LTBP4: variants seen among roughly 807,000 people sequenced by gnomAD.
LTBP4 encodes latent transforming growth factor beta binding protein 4, also known as latent-transforming growth factor beta-binding protein 4.
In LTBP4, 93 loss-of-function variants were observed where a neutral mutation model predicts 180.2. That is an observed-to-expected ratio of 0.52 (90% confidence interval 0.44 to 0.61). The LOEUF (loss-of-function observed/expected upper bound fraction) is 0.61. Ranked by LOEUF, LTBP4 falls within the 20% of genes least tolerant of loss-of-function variation. LTBP4 has a pLI of 0.00. For missense variants in LTBP4, 2,116 were observed against 2,256.5 expected (o/e 0.94, Z 1.26); for synonymous variants, 947 against 934.5 (o/e 1.01, Z -0.24).
chr19:40,595,139 T>G (rs1228961836), intron 1 of LTBP4, among the ~76,000 whole-genome samples: 2 of 151,688 alleles, frequency 1.3e-5, no homozygotes, highest in African/African-American at 2.4e-5. Flanking sequence ...ATGAAAGGGG[T>G]GGGCTTGGGA....
chr19:40,599,328 C>A, upstream of LTBP4: 3 of 1,610,712 alleles, frequency 1.9e-6, no homozygotes, highest in Non-Finnish European at 2.5e-6. Context: ...AGCTCCCCAT[C>A]CCTCCCCTCA....
At chr19:40,625,274 A>G (rs867765230) in intron 26 of LTBP4, among the ~76,000 whole-genome samples, 1 of 4,198 alleles carries the variant, frequency 2.4e-4, no homozygotes, top group African/African-American at 2.6e-3. Context: ...ATATATATAT[A>G]TATATATATA....
At chr19:40,608,102 C>A in intron 7 of LTBP4, 118 bp from the exon 8 acceptor site, 1 of 1,128,028 alleles carries the variant, frequency 8.9e-7, no homozygotes, top group Non-Finnish European at 1.3e-6. Context: ...CAGCCTCCAG[C>A]TCAAACCCCT....
rs776581800 is a variant in LTBP4 at position 40,609,650 on chromosome 19, C to T, written c.1547C>T (p.Thr516Ile). 8.1e-6 allele frequency: 13 copies of T among 1,613,168 alleles called. No homozygotes were observed. In the East Asian group the frequency reaches 2.2e-4, roughly 28 times the overall value. Residue 516 changes from threonine (T) to isoleucine (I), a missense_variant, in exon 10 of 30, where the codon ACC becomes ATC. Around this residue, in one of 5 missense-constraint regions of LTBP4, gnomAD observed 877 missense variants for 873.6 expected, o/e 1.00. Transcript: ENST00000396819. The surrounding 1 kb of genome is among the most constrained non-coding windows in gnomAD (Gnocchi z 4.9). ...DSGFRLSPQG[T>I]RCIDVDECRR... is the part of the protein sequence containing the mutation. ...GGCTTCCGGCTCAGCCCCCAGGGCA[C>T]CCGATGCATTGGTGAGCAAGACGGA...
chr19:40,611,885 C>T lies in LTBP4; in HGVS notation c.2080C>T (p.Pro694Ser), dbSNP rs2081508997. 1 of 1,608,242 alleles carries T rather than the reference C, an allele frequency of 6.2e-7. No homozygotes were observed. The change falls in exon 14 of 30, where the codon CCA (proline) becomes TCA (serine). Residue 694 changes from proline (P) to serine (S), a missense_variant. Physicochemically the swap from Pro to Ser is moderately conservative, Grantham distance 74. Coordinates refer to ENST00000396819, the MANE Select transcript of LTBP4 (RefSeq NM_001042545.2). The surrounding 1 kb of genome is among the most constrained non-coding windows in gnomAD (Gnocchi z 4.4). ...QDVDECARSPPPCTYGRCENT... is the reference protein window; with the variant it reads ...QDVDECARSPSPCTYGRCENT... ...TGTGGATGAGTGTGCCCGAAGCCCC[C>T]CACCCTGCACCTACGGCCGGTGTGA...
chr19:40,620,637 G>A (rs1174005614), intron 22 of LTBP4, among the ~76,000 whole-genome samples: 2 of 151,804 alleles, frequency 1.3e-5, no homozygotes, highest in East Asian at 2.0e-4. Flanking sequence ...TTAGCTGGGT[G>A]TAGTGGTGCA....
chr19:40,605,902 T>G lies in LTBP4; in HGVS notation c.793+71T>G. On this transcript the variant is annotated intron_variant, in intron 4 of 29. Transcript: ENST00000396819. This position sits in a 1 kb window ranked among gnomAD's most constrained non-coding sequence, Gnocchi z 5.5. ...GACAACCTCACCGTTCCTCCTACTC[T>G]GCCCTAGATAAACCCAGTTCACAAA... 1 of 1,457,104 alleles carries G rather than the reference T, an allele frequency of 6.9e-7. No individual in the cohort carries two copies. The highest frequency in any genetic ancestry group is 9.2e-7 in the Non-Finnish European group (1 of 1,085,082). The allele number at this position is 1,457,104 out of a possible 1,614,324, so 90.3% of individuals were successfully genotyped here.
At chr19:40,610,861 C>A (rs1002005862) in intron 12 of LTBP4, 7 of 822,848 alleles carry the variant, frequency 8.5e-6, no homozygotes, top group Non-Finnish European at 1.3e-5. Flanking sequence ...AAGGCTGAGT[C>A]ATGAAAGATG....
intron 29 of LTBP4, 127 bp downstream of exon 29, chr19:40,627,984 C>G (rs920996371): frequency 2.2e-5 from 27 of 1,255,156 alleles, no homozygotes; most frequent in Non-Finnish European, 2.9e-5. Flanking sequence ...CGGGCCAGCG[C>G]AAAAGGGAGG....
rs1440756922 is a variant in LTBP4 at position 40,624,092 on chromosome 19, C to T, written c.3832+10C>T. ...GAGAGCCAGAGCCTCGGTAACCCCGCCCACGCCATCCAGGCCCTCCTTCCC... is the reference window on the plus strand; with the variant it reads ...GAGAGCCAGAGCCTCGGTAACCCCGTCCACGCCATCCAGGCCCTCCTTCCC... On this transcript the variant is annotated intron_variant, in intron 26 of 29. Coordinates refer to ENST00000396819, the MANE Select transcript of LTBP4 (RefSeq NM_001042545.2). 7 of 1,530,068 alleles carry T rather than the reference C, an allele frequency of 4.6e-6. No homozygotes were observed. The highest frequency in any genetic ancestry group is 6.2e-6 in the Non-Finnish European group (7 of 1,135,878). 94.8% of individuals were successfully genotyped at this position (1,530,068 alleles called of 1,614,324 possible). A position where few individuals can be genotyped will look rare whatever the true frequency, so the allele number is the denominator to read the frequency against.
Position 40,613,690 on chromosome 19 carries a change from G to T in LTBP4, c.2557+161G>T, listed in dbSNP as rs1450503226. ...GGGAGTCTCGAGGCAGTGAGGGGGGGCGGGGCGTGGAGATGAAAGGGCCGA... is the reference window on the plus strand; with the variant it reads ...GGGAGTCTCGAGGCAGTGAGGGGGGTCGGGGCGTGGAGATGAAAGGGCCGA... On this transcript the variant is annotated intron_variant, in intron 17 of 29. Transcript: ENST00000396819. This position sits in a 1 kb window ranked among gnomAD's most constrained non-coding sequence, Gnocchi z 5.0. 4.0e-6 allele frequency: 5 copies of T among 1,259,474 alleles called. No individual in the cohort carries two copies. The highest frequency in any genetic ancestry group is 4.4e-6 in the Non-Finnish European group (4 of 901,064). The allele number at this position is 1,259,474 out of a possible 1,614,324, so 78.0% of individuals were successfully genotyped here. A position where few individuals can be genotyped will look rare whatever the true frequency, so the allele number is the denominator to read the frequency against.
intron 21 of LTBP4, among the ~76,000 whole-genome samples, chr19:40,618,572 G>A (rs1232442763): frequency 2.6e-5 from 4 of 151,886 alleles, no homozygotes; most frequent in Non-Finnish European, 5.9e-5. Flanking sequence ...GTAGAGATGA[G>A]TTATTGCTCT....
At chr19:40,602,820 G>C (rs966922012) in intron 1 of LTBP4, among the ~76,000 whole-genome samples, 2 of 152,158 alleles carry the variant, frequency 1.3e-5, no homozygotes, top group African/African-American at 4.8e-5. Context: ...GCTGGCCTGC[G>C]GGCCTGCATT....
chr19:40,603,097 C>T (rs895197601), intron 1 of LTBP4, among the ~76,000 whole-genome samples: 1 of 152,216 alleles, frequency 6.6e-6, no homozygotes, highest in Non-Finnish European at 1.5e-5. Context: ...AGAGACCACT[C>T]CTCCAGTGAA....
chr19:40,603,949 G>A (rs1478958886), intron 1 of LTBP4, among the ~76,000 whole-genome samples: 3 of 152,268 alleles, frequency 2.0e-5, no homozygotes, highest in Admixed American at 2.0e-4. Flanking sequence ...GAGGTGGCCT[G>A]GGGCCCAGCG....
Position 40,617,094 on chromosome 19 carries a change from T to C in LTBP4, c.2945-6T>C. ...CAGAAATGGCCTGACTGTCTGGTGGTTGCAGATGTGGACGAATGCCGGAAC... is the reference window on the plus strand; with the variant it reads ...CAGAAATGGCCTGACTGTCTGGTGGCTGCAGATGTGGACGAATGCCGGAAC... On this transcript the variant is annotated splice_polypyrimidine_tract_variant and splice_region_variant and intron_variant, in intron 20 of 29. Transcript: ENST00000396819. The C allele has an allele frequency of 6.2e-7, 1 of 1,613,998 alleles. No individual in the cohort carries two copies. The highest frequency in any genetic ancestry group is 8.5e-7 in the Non-Finnish European group (1 of 1,179,870).
In LTBP4 at chr19:40,605,662, G is replaced by A; in HGVS notation, c.690+10G>A. On this transcript the variant is annotated intron_variant, in intron 3 of 29. Transcript: ENST00000396819. The surrounding 1 kb of genome is among the most constrained non-coding windows in gnomAD (Gnocchi z 5.5). Reference sequence around the variant, plus strand: ...GCTGCGCGGAGGCGAAGTGAGAGGAGGCCCGTGGGGAGGGGCCCGGAGCTT... The same window carrying A: ...GCTGCGCGGAGGCGAAGTGAGAGGAAGCCCGTGGGGAGGGGCCCGGAGCTT... The A allele has an allele frequency of 6.4e-7, 1 of 1,557,948 alleles. No homozygotes were observed. The highest frequency in any genetic ancestry group is 1.7e-4 in the Middle Eastern group (1 of 5,960).
intron 12 of LTBP4, 123 bp downstream of exon 12, chr19:40,610,780 T>TCGAGCAGA: frequency 7.2e-7 from 1 of 1,393,610 alleles, no homozygotes; most frequent in East Asian, 2.4e-5. Context: ...GGCCAGGCTC[T>TCGAGCAGA]CGAGCAGACG....
Position 40,611,822 on chromosome 19 carries a change from GC to G in LTBP4, c.2054-33del. 6.3e-7 allele frequency: 1 copy of G among 1,588,182 alleles called. No individual in the cohort carries two copies. The highest frequency in any genetic ancestry group is 8.6e-7 in the Non-Finnish European group (1 of 1,165,394). ...GTGATGGCCATGGGAATGGATTCAG[GC>G]CCCTTCCTCAGCCTCATTGGTCCCC... On this transcript the variant is annotated intron_variant, in intron 13 of 29. Transcript: ENST00000396819. The surrounding 1 kb of genome is among the most constrained non-coding windows in gnomAD (Gnocchi z 4.4).
Sources: gnomAD v4.1 joint callset for allele counts (sites outside exome capture counted in the v4.1 genomes callset) on GRCh38, gnomAD v4.1.1 for gene constraint, gnomAD v4.1.1 regional missense constraint, Gnocchi (gnomAD v3.1) non-coding constraint, MANE v1.5 for transcripts, NCBI Gene and HGNC (gene_info 2026-07-23, HGNC 2026-07-21) for gene names.